Variants in HIVEP3 observed in about 807,000 individuals in gnomAD.
HIVEP3 encodes HIVEP zinc finger 3.
In HIVEP3, 49 loss-of-function variants were observed where a neutral mutation model predicts 152.8. That is an observed-to-expected ratio of 0.32 (90% CI 0.26 to 0.41). The LOEUF is 0.41. HIVEP3 is among the 10% of genes least tolerant of loss of function. The pLI is 1.00. For synonymous variants in HIVEP3, 1,269 were observed against 1,289.0 expected (o/e 0.98, Z 0.33); for missense variants, 2,790 against 3,103.3 (o/e 0.90, Z 2.40).
intron 1 of HIVEP3, among the ~76,000 whole-genome samples, chr1:41,888,541 A>G (rs1272482189): frequency 6.6e-6 from 1 of 151,886 alleles, no homozygotes; most frequent in East Asian, 1.9e-4. Flanking sequence ...AAGGAAATAG[A>G]ACCTAAAGTG....
At chr1:41,703,070 A>C (rs544658592) in intron 1 of HIVEP3, among the ~76,000 whole-genome samples, 96 of 152,274 alleles carry the variant, frequency 6.3e-4, no homozygotes, top group African/African-American at 2.3e-3. Context: ...GAAAATTTTG[A>C]GAAGAAGATA....
chr1:41,851,289 C>CTTT lies in HIVEP3; in HGVS notation c.-801+67121_-801+67123dup, dbSNP rs34180186. On this transcript the variant is annotated intron_variant, in intron 1 of 8. Transcript: ENST00000372583. ...GATGAGAGAGCACCTTCTTCTTCTT[C>CTTT]TTTTTTTTTTTTTTTTTTTTTTTTT... is the stretch of plus-strand genomic sequence containing the variant. Among the ~76,000 whole-genome samples, 426 of 59,824 alleles carry CTTT rather than the reference C, an allele frequency of 7.1e-3. 1 individual carries two copies. The highest frequency in any genetic ancestry group is 0.035 in the East Asian group (49 of 1,384). The allele number at this position is 59,824 out of a possible 152,430, so 39.2% of individuals were successfully genotyped here.
intron 1 of HIVEP3, among the ~76,000 whole-genome samples, chr1:41,729,628 A>G (rs1646809503): frequency 1.3e-5 from 2 of 152,330 alleles, no homozygotes; most frequent in South Asian, 4.1e-4. Context: ...AGAAGGAGAA[A>G]GTGAAGAGAA....
At chr1:41,563,895 G>GA (rs112040160) in intron 5 of HIVEP3, among the ~76,000 whole-genome samples, 9 of 151,532 alleles carry the variant, frequency 5.9e-5, no homozygotes, top group Admixed American at 3.9e-4. Flanking sequence ...GGACATTCAA[G>GA]AAAAAAAAAT....
chr1:41,579,096 C>T (rs1249422946), intron 4 of HIVEP3, among the ~76,000 whole-genome samples: 1 of 152,198 alleles, frequency 6.6e-6, no homozygotes, highest in Admixed American at 6.5e-5. Context: ...TAAACATTAG[C>T]GTTTCTTGAC....
rs1644386229 is a variant in HIVEP3, at chr1:41,506,625, T to C, written c.*3826A>G. On this transcript the variant is annotated 3_prime_UTR_variant, in exon 9 of 9. Coordinates refer to ENST00000372583, the MANE Select transcript of HIVEP3 (RefSeq NM_024503.5). Reference sequence around the variant, plus strand: ...TTTTGTTTGTTTCTGTTTTGTTTTTTCTTTTGCACTGATATATACCATACC... The same window carrying C: ...TTTTGTTTGTTTCTGTTTTGTTTTTCCTTTTGCACTGATATATACCATACC... 6.6e-6 allele frequency: 1 copy of C among 152,050 alleles called. No homozygotes were observed. Among genetic ancestry groups the C allele is most frequent in the Non-Finnish European group, 1.5e-5 (1 of 68,016 alleles). 9.4% of individuals were successfully genotyped at this position (152,050 alleles called of 1,614,324 possible). A position where few individuals can be genotyped will look rare whatever the true frequency, so the allele number is the denominator to read the frequency against.
chr1:41,854,569 A>T (rs1570673662), intron 1 of HIVEP3, among the ~76,000 whole-genome samples: 1 of 117,254 alleles, frequency 8.5e-6, no homozygotes, highest in Non-Finnish European at 1.7e-5. Flanking sequence ...ACATGTGCAC[A>T]TTGTGCAGGT....
At chr1:41,668,739 T>C (rs1197807595) in intron 2 of HIVEP3, among the ~76,000 whole-genome samples, 2 of 152,254 alleles carry the variant, frequency 1.3e-5, no homozygotes, top group Non-Finnish European at 2.9e-5. Context: ...TCTTATTTTT[T>C]CCTGACTTCC....
chr1:41,868,061 G>A (rs542543094), intron 1 of HIVEP3, among the ~76,000 whole-genome samples: 7 of 152,082 alleles, frequency 4.6e-5, no homozygotes, highest in East Asian at 1.9e-4. Context: ...CAACTGGCCC[G>A]CATGGCCACC....
intron 2 of HIVEP3, among the ~76,000 whole-genome samples, chr1:41,696,297 G>A (rs1646273424): frequency 6.6e-6 from 1 of 152,238 alleles, no homozygotes; most frequent in Non-Finnish European, 1.5e-5. Flanking sequence ...CGTGTGTTTG[G>A]TGGGCCACCT....
At position 41,664,864 on chromosome 1, in the gene HIVEP3, C is replaced by A. The variant is rs916653006; in HGVS notation, c.-720-35917G>T. Among the ~76,000 whole-genome samples, 46 of 152,310 alleles carry A rather than the reference C, an allele frequency of 3.0e-4. No homozygotes were observed. Among genetic ancestry groups the A allele is most frequent in the African/African-American group, 1.1e-3 (45 of 41,566 alleles). Reference sequence around the variant, plus strand: ...TCAGGGAGCCTGGGATATCCCCATGCCAACCCCCCAAAACACGGAGTCCTG... The same window carrying A: ...TCAGGGAGCCTGGGATATCCCCATGACAACCCCCCAAAACACGGAGTCCTG... On this transcript the variant is annotated intron_variant, in intron 2 of 8. Coordinates refer to ENST00000372583, the MANE Select transcript of HIVEP3 (RefSeq NM_024503.5). This position sits in a 1 kb window ranked among gnomAD's most constrained non-coding sequence, Gnocchi z 4.4.
intron 1 of HIVEP3, among the ~76,000 whole-genome samples, chr1:41,898,456 AG>A (rs1248695647): frequency 6.6e-6 from 1 of 152,188 alleles, no homozygotes; most frequent in Non-Finnish European, 1.5e-5. Context: ...CTAAGAGCAA[AG>A]GCTCATAACT....
intron 1 of HIVEP3, among the ~76,000 whole-genome samples, chr1:41,871,393 A>G (rs1281796287): frequency 1.7e-5 from 2 of 119,342 alleles, no homozygotes; most frequent in Non-Finnish European, 1.8e-5. Context: ...TTTACAATGA[A>G]TACCATTTAA....
chr1:41,624,181 T>C (rs943401373), intron 3 of HIVEP3, among the ~76,000 whole-genome samples: 2 of 152,146 alleles, frequency 1.3e-5, no homozygotes, highest in African/African-American at 4.8e-5. Context: ...CTTCCTCCTC[T>C]GCCTCCAACT....
At chr1:41,563,584 C>T (rs572495456) in intron 5 of HIVEP3, among the ~76,000 whole-genome samples, 67 of 152,094 alleles carry the variant, frequency 4.4e-4, no homozygotes, top group Non-Finnish European at 8.5e-4. Flanking sequence ...ACAGCCCCGG[C>T]AGTCAGCTAT....
At position 41,688,223 on chromosome 1, in the gene HIVEP3, T is replaced by G. The variant is rs189434278; in HGVS notation, c.-721+12693A>C. Reference sequence around the variant, plus strand: ...TCTGACCCCTTCTGTTGTTCTCCTCTGACCCCTTCTGTTGCTCTCCTCTGG... The same window carrying G: ...TCTGACCCCTTCTGTTGTTCTCCTCGGACCCCTTCTGTTGCTCTCCTCTGG... On this transcript the variant is annotated intron_variant, in intron 2 of 8. Transcript: ENST00000372583. Among the ~76,000 whole-genome samples, 1,068 of 152,350 alleles carry G rather than the reference T, an allele frequency of 7.0e-3. 7 individuals are homozygous for G. Among genetic ancestry groups the G allele is most frequent in the Non-Finnish European group, 0.01 (689 of 68,032 alleles).
chr1:41,885,342 C>CA (rs1338678905), intron 1 of HIVEP3, among the ~76,000 whole-genome samples: 1 of 151,930 alleles, frequency 6.6e-6, no homozygotes, highest in African/African-American at 2.4e-5. Flanking sequence ...GAATTCAAAG[C>CA]AGGCCACTGT....
intron 1 of HIVEP3, among the ~76,000 whole-genome samples, chr1:41,863,269 G>C (rs983450107): frequency 3.3e-5 from 5 of 152,174 alleles, no homozygotes; most frequent in Non-Finnish European, 7.3e-5. Context: ...GTAATGTGAG[G>C]GCAGGAAAAA....
chr1:41,837,920 G>A (rs1643172776), intron 1 of HIVEP3, among the ~76,000 whole-genome samples: 1 of 152,094 alleles, frequency 6.6e-6, no homozygotes, highest in African/African-American at 2.4e-5. Context: ...TCAGGAAGGT[G>A]GTTCCTCTCA....
Sources: gnomAD v4.1 joint callset for allele counts (sites outside exome capture counted in the v4.1 genomes callset) on GRCh38, gnomAD v4.1.1 for gene constraint, Gnocchi (gnomAD v3.1) non-coding constraint, MANE v1.5 for transcripts, NCBI Gene and HGNC (gene_info 2026-07-23, HGNC 2026-07-21) for gene names.